The following SELENOI variants were observed in gnomAD, a reference collection of about 807,000 sequenced individuals.
The protein encoded by SELENOI is ethanolaminephosphotransferase 1.
In SELENOI, 24 loss-of-function variants were observed where a neutral mutation model predicts 50.7. The observed-to-expected ratio is 0.47, with a 90% CI of 0.34 to 0.67. SELENOI has a LOEUF of 0.67. Ranked by LOEUF, SELENOI falls within the 30% of genes least tolerant of loss-of-function variation. The pLI, the probability that SELENOI is intolerant of heterozygous loss-of-function variation, is 0.01. For synonymous variants in SELENOI, 155 were observed against 170.2 expected, an observed-to-expected ratio of 0.91 and a Z score of 0.70; for missense variants, 352 against 461.4, an observed-to-expected ratio of 0.76 and a Z score of 2.17.
At chr2:26,374,563 TG>T (rs1313873377) in intron 5 of SELENOI, among the ~76,000 whole-genome samples, 1 of 140,284 alleles carries the variant, frequency 7.1e-6, no homozygotes, top group African/African-American at 2.5e-5. Flanking sequence ...GCTAAAAGAT[TG>T]TATTTTTTTT....
At chr2:26,363,996 C>T (rs1677234123) in intron 1 of SELENOI, among the ~76,000 whole-genome samples, 1 of 152,064 alleles carries the variant, frequency 6.6e-6, no homozygotes, top group Non-Finnish European at 1.5e-5. Flanking sequence ...CCTGCCTTGA[C>T]CTTCCCGAAG....
Position 26,390,030 on chromosome 2 carries a change from T to C in SELENOI, c.*927T>C, listed in dbSNP as rs1490577704. Reference sequence around the variant, plus strand: ...TTCAGTTTGTCTGTCTGTCTGTCCTTCCCCTCTCTTCTTTTTTCAGGGTGA... The same window carrying C: ...TTCAGTTTGTCTGTCTGTCTGTCCTCCCCCTCTCTTCTTTTTTCAGGGTGA... On this transcript the variant is annotated 3_prime_UTR_variant, in exon 10 of 10. Coordinates refer to ENST00000260585, the MANE Select transcript of SELENOI (RefSeq NM_033505.4). The C allele has an allele frequency of 6.7e-6, 1 of 150,134 alleles. No individual in the cohort carries two copies. Among genetic ancestry groups the C allele is most frequent in the East Asian group, 1.9e-4 (1 of 5,150 alleles). 9.3% of individuals were successfully genotyped at this position (150,134 alleles called of 1,614,324 possible).
chr2:26,365,795 C>CTT (rs55900237), intron 3 of SELENOI, among the ~76,000 whole-genome samples: 139 of 108,382 alleles, frequency 1.3e-3, no homozygotes, highest in East Asian at 4.9e-3. Flanking sequence ...ACACTTAAGA[C>CTT]TTTTTTTTTT....
Position 26,394,366 on chromosome 2 carries a change from C to CAG in SELENOI, c.*5266_*5267dup, listed in dbSNP as rs1165828922. The CAG allele has an allele frequency of 2.6e-5, 4 of 151,838 alleles. No individual in the cohort carries two copies. The highest frequency in any genetic ancestry group is 2.0e-4 in the Admixed American group (3 of 15,250). The allele number at this position is 151,838 out of a possible 1,614,324, so 9.4% of individuals were successfully genotyped here. The stretch of plus-strand genomic sequence containing the variant: ...AGAGATTGTGCCACTGCACTCCAGC[C>CAG]AGAGTGACAGAGCAAGACTCCATCT... On this transcript the variant is annotated 3_prime_UTR_variant, in exon 10 of 10. Coordinates refer to ENST00000260585, the MANE Select transcript of SELENOI (RefSeq NM_033505.4). This position sits in a 1 kb window ranked among gnomAD's most constrained non-coding sequence, Gnocchi z 4.1.
intron 8 of SELENOI, 99 bp from the exon 9 acceptor site, chr2:26,386,255 C>G: frequency 8.3e-7 from 1 of 1,197,852 alleles, no homozygotes; most frequent in South Asian, 1.5e-5. Context: ...GGTTCAGGTA[C>G]TTGAATGCTT....
intron 1 of SELENOI, among the ~76,000 whole-genome samples, chr2:26,351,532 G>A (rs1018519077): frequency 1.3e-5 from 2 of 152,232 alleles, no homozygotes; most frequent in African/African-American, 4.8e-5. Flanking sequence ...CAGGTTAAGA[G>A]GGGAGAAAGG....
intron 1 of SELENOI, among the ~76,000 whole-genome samples, chr2:26,348,020 G>C (rs180873102): frequency 6.6e-6 from 1 of 152,092 alleles, no homozygotes; most frequent in Non-Finnish European, 1.5e-5. Context: ...TTATAATGAG[G>C]CTTCCTTGGG....
At chr2:26,369,764 C>T (rs1677370763) in intron 4 of SELENOI, among the ~76,000 whole-genome samples, 1 of 152,226 alleles carries the variant, frequency 6.6e-6, no homozygotes, top group Non-Finnish European at 1.5e-5. Context: ...TTATATACTT[C>T]ACTCTTAACA....
At chr2:26,367,667 T>C (rs1011824462) in intron 4 of SELENOI, among the ~76,000 whole-genome samples, 1 of 152,202 alleles carries the variant, frequency 6.6e-6, no homozygotes, top group African/African-American at 2.4e-5. Flanking sequence ...TTCTTAAGTT[T>C]GGGAAGCAAT....
chr2:26,371,750 A>G (rs1487133060), intron 4 of SELENOI, among the ~76,000 whole-genome samples: 2 of 152,198 alleles, frequency 1.3e-5, no homozygotes, highest in African/African-American at 4.8e-5. Flanking sequence ...AATTGCAGGC[A>G]CTCCGCAGGC....
intron 4 of SELENOI, 83 bp from the exon 5 acceptor site, chr2:26,373,283 GT>G: frequency 6.8e-7 from 1 of 1,468,148 alleles, no homozygotes; most frequent in Non-Finnish European, 9.1e-7. Context: ...GATTTGTTTT[GT>G]TTTTTCCTCC....
chr2:26,364,690 G>T, intron 2 of SELENOI, 142 bp from the exon 3 acceptor site: 1 of 600,272 alleles, frequency 1.7e-6, no homozygotes, highest in Non-Finnish European at 2.8e-6. Flanking sequence ...GGAGATTATC[G>T]TTTACGTGTT....
At chr2:26,359,398 T>G (rs1677128910) in intron 1 of SELENOI, among the ~76,000 whole-genome samples, 1 of 152,072 alleles carries the variant, frequency 6.6e-6, no homozygotes, top group Admixed American at 6.5e-5. Context: ...ATCCTAGAAC[T>G]TTGGGAGGCT....
intron 4 of SELENOI, among the ~76,000 whole-genome samples, chr2:26,372,083 A>G (rs1050172992): frequency 6.6e-6 from 1 of 152,054 alleles, no homozygotes; most frequent in Non-Finnish European, 1.5e-5. Context: ...TTTGTGATAT[A>G]CCATACCTTT....
chr2:26,369,718 A>G (rs1477400387), intron 4 of SELENOI, among the ~76,000 whole-genome samples: 1 of 151,972 alleles, frequency 6.6e-6, no homozygotes, highest in African/African-American at 2.4e-5. Context: ...ATTCCCTACA[A>G]CTTTTAAACT....
At chr2:26,380,294 C>G (rs1677658566) in intron 6 of SELENOI, among the ~76,000 whole-genome samples, 1 of 152,044 alleles carries the variant, frequency 6.6e-6, no homozygotes, top group Non-Finnish European at 1.5e-5. Flanking sequence ...TTCATTGTTT[C>G]TTTCTTACTA....
At position 26,389,410 on chromosome 2, in the gene SELENOI, T is replaced by C. The variant is rs150084464; in HGVS notation, c.*307T>C. ...GTGATTCATGCAGGGTTAAAGATGC[T>C]TTGTTTTTATTTTTTAAGTACCAAA... On this transcript the variant is annotated 3_prime_UTR_variant, in exon 10 of 10. Transcript: ENST00000260585. 462 of 205,666 alleles carry C rather than the reference T, an allele frequency of 2.2e-3. 4 individuals carry two copies. Among genetic ancestry groups the C allele is most frequent in the African/African-American group, 0.01 (447 of 43,720 alleles). The allele number at this position is 205,666 out of a possible 1,614,324, so 12.7% of individuals were successfully genotyped here.
intron 4 of SELENOI, among the ~76,000 whole-genome samples, chr2:26,370,513 C>G (rs1423094074): frequency 1.2e-4 from 17 of 144,552 alleles, no homozygotes; most frequent in African/African-American, 4.3e-4. Flanking sequence ...CCCTCCCAGA[C>G]GGGGCGGCTG....
chr2:26,374,564 G>GTTT (rs747792225), intron 5 of SELENOI, among the ~76,000 whole-genome samples: 1 of 131,540 alleles, frequency 7.6e-6, no homozygotes, highest in African/African-American at 2.7e-5. Context: ...CTAAAAGATT[G>GTTT]TATTTTTTTT....
Sources: allele counts gnomAD v4.1 joint callset (sites outside exome capture counted in the v4.1 genomes callset), GRCh38; gene constraint gnomAD v4.1.1; non-coding constraint Gnocchi (gnomAD v3.1); transcripts MANE v1.5; gene names NCBI Gene and HGNC (gene_info 2026-07-23, HGNC 2026-07-21).